Variants in PLXNA4 observed in about 807,000 individuals in gnomAD.
The protein encoded by PLXNA4 is plexin A4.
In PLXNA4, 44 loss-of-function variants were observed where a neutral mutation model predicts 191.8. The ratio of observed to expected loss-of-function variants is 0.23; its 90% confidence interval spans 0.18 to 0.29. PLXNA4 has a LOEUF of 0.29. PLXNA4 is among the 10% of genes least tolerant of loss of function. The probability of loss-of-function intolerance (pLI) is 1.00; values close to 1 mark genes in which losing one functional copy is unlikely to be tolerated. For missense variants in PLXNA4, 1,800 were observed against 2,488.8 expected, an observed-to-expected ratio of 0.72 and a Z score of 5.89; for synonymous variants, 1,082 against 1,009.5, an observed-to-expected ratio of 1.07 and a Z score of -1.36.
At chr7:132,434,895 T>C (rs277484) in intron 3 of PLXNA4, among the ~76,000 whole-genome samples, 3,332 of 152,238 alleles carry the variant, frequency 0.022, 63 homozygotes, top group African/African-American at 0.059. Context: ...CTCTAATTTT[T>C]CACCCAGGAT....
At chr7:132,595,002 TAGATAGATAGATAGATAGAC>T (rs1331031507) in intron 2 of PLXNA4, among the ~76,000 whole-genome samples, 13 of 142,070 alleles carry the variant, frequency 9.2e-5, no homozygotes, top group Admixed American at 1.4e-4. Flanking sequence ...GATAGATAGA[TAGATAGATAGATAGATAGAC>T]AGACAGACAG....
chr7:132,499,230 G>T (rs1431501044), intron 2 of PLXNA4, among the ~76,000 whole-genome samples: 1 of 152,236 alleles, frequency 6.6e-6, no homozygotes, highest in Non-Finnish European at 1.5e-5. Context: ...TAGCTTAGCT[G>T]CCAAGAGCCT....
At chr7:132,368,841 G>A (rs1439813350) in intron 3 of PLXNA4, among the ~76,000 whole-genome samples, 2 of 152,206 alleles carry the variant, frequency 1.3e-5, no homozygotes, top group Non-Finnish European at 2.9e-5. Flanking sequence ...GCCATGTGGT[G>A]ACATTGGATT....
intron 4 of PLXNA4, among the ~76,000 whole-genome samples, chr7:132,294,421 A>G (rs946013069): frequency 1.3e-5 from 2 of 152,224 alleles, no homozygotes; most frequent in Admixed American, 1.3e-4. Context: ...AGAGCATATA[A>G]GGCCCTGTGG....
intron 1 of PLXNA4, among the ~76,000 whole-genome samples, chr7:132,519,311 G>A (rs558298800): frequency 6.6e-6 from 1 of 152,318 alleles, no homozygotes; most frequent in Admixed American, 6.5e-5. Flanking sequence ...GTCTGTCCAG[G>A]GGTACTGGCT....
At chr7:132,417,824 G>T (rs2288965) in intron 3 of PLXNA4, among the ~76,000 whole-genome samples, 2,130 of 152,178 alleles carry the variant, frequency 0.014, 103 homozygotes, top group East Asian at 0.1. Context: ...TCCCAGGAAA[G>T]CTGGTTTACT....
At chr7:132,192,446 GAAGGAAGCAAAGAAAGAGGAAGA>G (rs1293354965) in intron 14 of PLXNA4, among the ~76,000 whole-genome samples, 1 of 151,532 alleles carries the variant, frequency 6.6e-6, no homozygotes, top group Non-Finnish European at 1.5e-5. Context: ...AGGGAGGAAG[GAAGGAAGCAAAGAAAGAGGAAGA>G]AAGGAAGGGA....
intron 1 of PLXNA4, among the ~76,000 whole-genome samples, chr7:132,514,997 C>A (rs1344699300): frequency 6.6e-6 from 1 of 152,172 alleles, no homozygotes; most frequent in African/African-American, 2.4e-5. Context: ...TTGACTCCAC[C>A]TCTGGTTCAA....
intron 3 of PLXNA4, among the ~76,000 whole-genome samples, chr7:132,432,015 T>G (rs1200357586): frequency 6.6e-6 from 1 of 152,108 alleles, no homozygotes; most frequent in Non-Finnish European, 1.5e-5. Flanking sequence ...ACTGGTGGCC[T>G]CTGTCATGAG....
intron 3 of PLXNA4, among the ~76,000 whole-genome samples, chr7:132,362,657 T>C (rs1041241855): frequency 1.3e-5 from 2 of 152,190 alleles, no homozygotes; most frequent in African/African-American, 4.8e-5. Flanking sequence ...AGTCCTGGTA[T>C]CACATGCTAT....
Position 132,197,186 on chromosome 7 carries a change from A to AT in PLXNA4, c.2738+1298dup, listed in dbSNP as rs201837978. Among the ~76,000 whole-genome samples, 1,076 of 151,780 alleles carry AT rather than the reference A, an allele frequency of 7.1e-3. 13 individuals carry two copies. Among genetic ancestry groups the AT allele is most frequent in the African/African-American group, 0.025 (1,041 of 41,364 alleles). Reference sequence around the variant, plus strand: ...TTTCTTCTAATCCTTTCACAGTTTCATTTTTTTTAAACTTAACTCTTTAAT... The same window carrying AT: ...TTTCTTCTAATCCTTTCACAGTTTCATTTTTTTTTAAACTTAACTCTTTAAT... On this transcript the variant is annotated intron_variant, in intron 13 of 31. Transcript: ENST00000321063.
intron 3 of PLXNA4, among the ~76,000 whole-genome samples, chr7:132,438,505 G>A (rs1167889372): frequency 6.6e-6 from 1 of 152,196 alleles, no homozygotes; most frequent in East Asian, 1.9e-4. Flanking sequence ...AACAGGGAAT[G>A]GCTAACTTCT....
chr7:132,146,079 C>CAAAAAAAAAAA (rs67412588), intron 28 of PLXNA4, among the ~76,000 whole-genome samples: 3 of 48,920 alleles, frequency 6.1e-5, no homozygotes, highest in East Asian at 6.2e-4. Flanking sequence ...GACTCTGTCT[C>CAAAAAAAAAAA]AAAAAAAAAA....
At chr7:132,277,180 T>C (rs1292013176) in intron 4 of PLXNA4, among the ~76,000 whole-genome samples, 2 of 152,126 alleles carry the variant, frequency 1.3e-5, no homozygotes, top group Non-Finnish European at 2.9e-5. Flanking sequence ...ACTAGAATGG[T>C]TTACTTATTC....
intron 3 of PLXNA4, among the ~76,000 whole-genome samples, chr7:132,386,753 G>T (rs1046043495): frequency 6.6e-6 from 1 of 152,328 alleles, no homozygotes; most frequent in African/African-American, 2.4e-5. Flanking sequence ...CAGGGACCTG[G>T]CTCGAGAGCC....
chr7:132,457,692 G>T (rs1796360601), intron 3 of PLXNA4, among the ~76,000 whole-genome samples: 1 of 152,318 alleles, frequency 6.6e-6, no homozygotes, highest in African/African-American at 2.4e-5. Context: ...TATCTGGTAG[G>T]TCCTAAATGC....
In PLXNA4 at chr7:132,211,141, G is replaced by C; in HGVS notation, c.2100C>G (p.Asp700Glu). The change falls in exon 10 of 32, where the codon GAC (aspartate) becomes GAG (glutamate). Residue 700 changes from aspartate (D) to glutamate (E), a missense_variant and splice_region_variant. By Grantham distance (45) the Asp-to-Glu change is conservative. Around this residue, in one of 6 missense-constraint regions of PLXNA4, gnomAD observed 1,397 missense variants for 1,880.4 expected, o/e 0.74. Transcript: ENST00000321063. ...FQEGRVKLPE[D>E]CPQLLRVDKI... is the part of the protein sequence containing the mutation. ...TGTCCACTCGCAGCAGCTGGGGGCA[G>C]TCCTGGGGACAGAGGGCATGGCTCA... 6.4e-7 allele frequency: 1 copy of C among 1,556,006 alleles called. No homozygotes were observed. Among genetic ancestry groups the C allele is most frequent in the Non-Finnish European group, 8.7e-7 (1 of 1,149,496 alleles).
chr7:132,308,634 G>C (rs1398139497), intron 3 of PLXNA4, among the ~76,000 whole-genome samples: 1 of 152,094 alleles, frequency 6.6e-6, no homozygotes, highest in Non-Finnish European at 1.5e-5. Flanking sequence ...TGACACTTAG[G>C]AACTGTGCAG....
At chr7:132,445,921 G>C (rs1357154719) in intron 3 of PLXNA4, among the ~76,000 whole-genome samples, 1 of 152,164 alleles carries the variant, frequency 6.6e-6, no homozygotes, top group Non-Finnish European at 1.5e-5. Flanking sequence ...AAGTTAAAGA[G>C]CAAAAACTCC....
Sources: gnomAD v4.1 joint callset for allele counts (sites outside exome capture counted in the v4.1 genomes callset) on GRCh38, gnomAD v4.1.1 for gene constraint, gnomAD v4.1.1 regional missense constraint, MANE v1.5 for transcripts, NCBI Gene and HGNC (gene_info 2026-07-23, HGNC 2026-07-21) for gene names.